Variants in ATG10 observed in about 807,000 individuals in gnomAD.
ATG10 encodes the protein ubiquitin-like-conjugating enzyme ATG10.
In ATG10, 30 loss-of-function variants were observed where a neutral mutation model predicts 32.1. That is an observed-to-expected ratio of 0.94 (90% CI 0.70 to 1.27). The LOEUF (loss-of-function observed/expected upper bound fraction) is 1.27, where lower values mean the gene tolerates loss of function less well. ATG10 is among the 50% of genes most tolerant of loss of function. The pLI is 0.00. For synonymous variants in ATG10, 87 were observed against 91.5 expected, an observed-to-expected ratio of 0.95 and a Z score of 0.28; for missense variants, 233 against 262.3, an observed-to-expected ratio of 0.89 and a Z score of 0.77.
At chr5:82,063,847 G>A (rs1317235475) in intron 3 of ATG10, among the ~76,000 whole-genome samples, 1 of 152,108 alleles carries the variant, frequency 6.6e-6, no homozygotes, top group Non-Finnish European at 1.5e-5. Context: ...GGTCAAAAGA[G>A]GGAGAGGATC....
At chr5:82,116,463 T>C (rs1354643633) in intron 3 of ATG10, among the ~76,000 whole-genome samples, 1 of 152,114 alleles carries the variant, frequency 6.6e-6, no homozygotes, top group East Asian at 1.9e-4. Context: ...AGGGCTATTG[T>C]TGAGCAAGAA....
At chr5:82,117,216 T>A (rs759200971) in intron 3 of ATG10, among the ~76,000 whole-genome samples, 8 of 151,994 alleles carry the variant, frequency 5.3e-5, no homozygotes, top group Non-Finnish European at 8.8e-5. Context: ...GTTGTTATAA[T>A]GGAAGCATAT....
chr5:82,114,246 G>A (rs1039566746), intron 3 of ATG10, among the ~76,000 whole-genome samples: 1 of 151,976 alleles, frequency 6.6e-6, no homozygotes, highest in African/African-American at 2.4e-5. Context: ...AGACTGGGGA[G>A]GGCTGTCCTG....
chr5:82,122,541 A>G (rs900358655), intron 3 of ATG10, among the ~76,000 whole-genome samples: 6 of 152,378 alleles, frequency 3.9e-5, no homozygotes, highest in South Asian at 2.1e-4. Flanking sequence ...TCTGCACAGC[A>G]ACAGAAACTA....
At chr5:82,048,254 G>A (rs1469779128) in intron 2 of ATG10, among the ~76,000 whole-genome samples, 2 of 140,552 alleles carry the variant, frequency 1.4e-5, no homozygotes, top group Non-Finnish European at 3.1e-5. Context: ...ATTCTGTGAA[G>A]AAAGTCATTG....
At chr5:82,027,147 C>T (rs1762618097) in intron 2 of ATG10, among the ~76,000 whole-genome samples, 1 of 151,302 alleles carries the variant, frequency 6.6e-6, no homozygotes, top group Non-Finnish European at 1.5e-5. Flanking sequence ...GCATGTAATC[C>T]CAGCACTGTG....
intron 5 of ATG10, among the ~76,000 whole-genome samples, chr5:82,180,386 C>T (rs80153871): frequency 0.015 from 2,232 of 152,250 alleles, 43 homozygotes; most frequent in African/African-American, 0.05. Context: ...ACCACTTCAA[C>T]TCACAAAAAT....
At chr5:81,986,075 A>G (rs553780590) in intron 1 of ATG10, among the ~76,000 whole-genome samples, 17 of 145,560 alleles carry the variant, frequency 1.2e-4, no homozygotes, top group African/African-American at 4.4e-4. Context: ...CGCCTGCCTA[A>G]TTTTTTGTAT....
chr5:82,216,684 G>T (rs1054189205), intron 5 of ATG10, among the ~76,000 whole-genome samples: 2 of 152,248 alleles, frequency 1.3e-5, no homozygotes, highest in South Asian at 2.1e-4. Context: ...ATAGATTATT[G>T]TAATATGCCA....
At chr5:82,076,722 A>G (rs1764284046) in intron 3 of ATG10, among the ~76,000 whole-genome samples, 1 of 152,238 alleles carries the variant, frequency 6.6e-6, no homozygotes, top group African/African-American at 2.4e-5. Context: ...AGATAATATT[A>G]TCAAGTAAAA....
At chr5:82,248,555 A>G (rs1222799154) in intron 5 of ATG10, among the ~76,000 whole-genome samples, 1 of 152,224 alleles carries the variant, frequency 6.6e-6, no homozygotes, top group Admixed American at 6.5e-5. Flanking sequence ...TGAACTAAAC[A>G]CGTCTCAGAT....
chr5:82,127,563 G>A (rs1295506013), intron 3 of ATG10, among the ~76,000 whole-genome samples: 1 of 152,084 alleles, frequency 6.6e-6, no homozygotes, highest in Non-Finnish European at 1.5e-5. Flanking sequence ...TTCAGGAGCA[G>A]GTTGTTCATT....
chr5:82,035,698 G>A (rs534851461), intron 2 of ATG10, among the ~76,000 whole-genome samples: 21 of 148,978 alleles, frequency 1.4e-4, no homozygotes, highest in Admixed American at 1.1e-3. Context: ...TTGTTTTATT[G>A]TGAGTTTATT....
At chr5:82,072,071 T>C (rs1424248989) in intron 3 of ATG10, among the ~76,000 whole-genome samples, 2 of 152,192 alleles carry the variant, frequency 1.3e-5, no homozygotes, top group African/African-American at 4.8e-5. Context: ...TTACCCTCAC[T>C]AATTTCAAGT....
intron 1 of ATG10, among the ~76,000 whole-genome samples, chr5:81,985,001 A>C (rs1761212674): frequency 6.6e-6 from 1 of 152,218 alleles, no homozygotes; most frequent in African/African-American, 2.4e-5. Flanking sequence ...AGATAATTTT[A>C]AAAGTATTCA....
At chr5:82,061,779 C>CATAT (rs10656029) in intron 3 of ATG10, among the ~76,000 whole-genome samples, 26,135 of 135,192 alleles carry the variant, frequency 0.19, 2,695 homozygotes, top group South Asian at 0.33. Context: ...TACATGTACA[C>CATAT]ATATATATAT....
intron 3 of ATG10, among the ~76,000 whole-genome samples, chr5:82,102,016 C>T (rs912513070): frequency 4.6e-5 from 7 of 152,250 alleles, no homozygotes; most frequent in Admixed American, 2.6e-4. Flanking sequence ...ATTCTGTGGA[C>T]ACATACTGAC....
intron 3 of ATG10, among the ~76,000 whole-genome samples, chr5:82,148,380 T>C (rs985107153): frequency 3.9e-5 from 6 of 152,284 alleles, no homozygotes; most frequent in African/African-American, 9.6e-5. Context: ...TGTAGAGCAC[T>C]TCTGTCTCAG....
chr5:82,115,832 C>G (rs969843683), intron 3 of ATG10, among the ~76,000 whole-genome samples: 2 of 151,962 alleles, frequency 1.3e-5, no homozygotes, highest in Non-Finnish European at 2.9e-5. Context: ...GATTCAGATT[C>G]AAGGGCTGAA....
Sources: gnomAD v4.1 joint callset for allele counts (sites outside exome capture counted in the v4.1 genomes callset) on GRCh38, gnomAD v4.1.1 for gene constraint, MANE v1.5 for transcripts, NCBI Gene and HGNC (gene_info 2026-07-23, HGNC 2026-07-21) for gene names.